The following CFAP44 variants were observed in gnomAD, a reference collection of about 807,000 sequenced individuals.
CFAP44 encodes cilia- and flagella-associated protein 44.
CFAP44 carries 134 observed loss-of-function variants against 216.2 expected under a neutral mutation model. The observed-to-expected ratio is 0.62, with a 90% CI of 0.54 to 0.72. CFAP44 has a LOEUF of 0.72. Ranked by LOEUF, CFAP44 falls within the 30% of genes least tolerant of loss-of-function variation. CFAP44 has a pLI of 0.00. For synonymous variants in CFAP44, 700 were observed against 727.6 expected (o/e 0.96, Z 0.61); for missense variants, 2,035 against 2,182.1 (o/e 0.93, Z 1.34).
rs527834618 is a variant in CFAP44, at chr3:113,418,838, G to A, written c.570+1179C>T. Among the ~76,000 whole-genome samples the A allele has an allele frequency of 4.2e-4, 64 of 152,038 alleles. No individual in the cohort carries two copies. In the East Asian group the frequency reaches 4.6e-3, roughly 11 times the overall value. On this transcript the variant is annotated intron_variant, in intron 5 of 34. Coordinates refer to ENST00000393845, the MANE Select transcript of CFAP44 (RefSeq NM_001164496.2). ...CTCTGCCTCAGGCTCCTGAGTAGCC[G>A]GGATTACAGGCGCGTGCCACCATGC...
At chr3:113,398,008 G>A (rs1934036494) in intron 13 of CFAP44, among the ~76,000 whole-genome samples, 1 of 152,166 alleles carries the variant, frequency 6.6e-6, no homozygotes, top group Admixed American at 6.5e-5. Flanking sequence ...TGTCTTGGAA[G>A]AGCCTGGGCA....
At chr3:113,361,685 A>C (rs1264720219) in intron 21 of CFAP44, among the ~76,000 whole-genome samples, 2 of 151,864 alleles carry the variant, frequency 1.3e-5, no homozygotes, top group Non-Finnish European at 2.9e-5. Context: ...TTTTTAGTGG[A>C]GACAGGGTTT....
intron 25 of CFAP44, among the ~76,000 whole-genome samples, chr3:113,333,182 A>G (rs1332010447): frequency 2.0e-5 from 3 of 152,150 alleles, no homozygotes; most frequent in Non-Finnish European, 4.4e-5. Context: ...TGGTTCTTCC[A>G]TATTAGCTGA....
intron 15 of CFAP44, 63 bp from the exon 16 acceptor site, chr3:113,381,123 G>T: frequency 8.5e-7 from 1 of 1,177,350 alleles, no homozygotes; most frequent in Non-Finnish European, 1.1e-6. Context: ...AGTTTAAAGA[G>T]ATTATAAATA....
At chr3:113,389,057 A>G (rs1933726742) in intron 15 of CFAP44, among the ~76,000 whole-genome samples, 1 of 152,354 alleles carries the variant, frequency 6.6e-6, no homozygotes, top group South Asian at 2.1e-4. Context: ...TTTTTATCCA[A>G]TGGCTGCAGA....
chr3:113,297,745 A>C (rs913357881), intron 32 of CFAP44, among the ~76,000 whole-genome samples: 5 of 152,160 alleles, frequency 3.3e-5, no homozygotes, highest in Non-Finnish European at 7.3e-5. Context: ...ACACTAGAAC[A>C]CCTCTCCAAG....
chr3:113,331,038 T>C (rs1183129842), intron 25 of CFAP44, among the ~76,000 whole-genome samples: 2 of 152,170 alleles, frequency 1.3e-5, no homozygotes, highest in African/African-American at 4.8e-5. Context: ...AGGCAATTAA[T>C]TCATTTTCCT....
intron 15 of CFAP44, among the ~76,000 whole-genome samples, chr3:113,384,808 TG>T (rs1422662758): frequency 2.0e-5 from 3 of 152,142 alleles, no homozygotes; most frequent in African/African-American, 7.2e-5. Flanking sequence ...AAGTATCCAG[TG>T]GGTAGCTGTG....
At position 113,290,114 on chromosome 3, in the gene CFAP44, G is replaced by A. The variant is rs929735762; in HGVS notation, c.*1443C>T. On this transcript the variant is annotated 3_prime_UTR_variant, in exon 35 of 35. Transcript: ENST00000393845. ...TTTACCGCAATAAATAAGACACTCAGGGCTATGACTAGCATATTTTTAAAA... is the reference window on the plus strand; with the variant it reads ...TTTACCGCAATAAATAAGACACTCAAGGCTATGACTAGCATATTTTTAAAA... The A allele has an allele frequency of 6.6e-6, 1 of 152,050 alleles. No homozygotes were observed. Among genetic ancestry groups the A allele is most frequent in the African/African-American group, 2.4e-5 (1 of 41,374 alleles). The allele number at this position is 152,050 out of a possible 1,614,324, so 9.4% of individuals were successfully genotyped here. A position where few individuals can be genotyped will look rare whatever the true frequency, so the allele number is the denominator to read the frequency against.
At chr3:113,430,854 A>C (rs1935088083) in intron 2 of CFAP44, among the ~76,000 whole-genome samples, 1 of 152,204 alleles carries the variant, frequency 6.6e-6, no homozygotes, top group Admixed American at 6.5e-5. Context: ...TTATTAAATA[A>C]GGTCTGCAAT....
At chr3:113,368,787 C>G (rs920865066) in intron 18 of CFAP44, among the ~76,000 whole-genome samples, 1 of 152,158 alleles carries the variant, frequency 6.6e-6, no homozygotes. Context: ...TTAAAAGATA[C>G]AAACTGGCAA....
intron 24 of CFAP44, among the ~76,000 whole-genome samples, chr3:113,338,660 C>T (rs1439999766): frequency 6.6e-6 from 1 of 152,112 alleles, no homozygotes; most frequent in Non-Finnish European, 1.5e-5. Context: ...AACGTTCAAA[C>T]ATTTGGGTGA....
chr3:113,318,967 CA>C (rs200623858), intron 28 of CFAP44, among the ~76,000 whole-genome samples: 10 of 141,870 alleles, frequency 7.0e-5, no homozygotes, highest in African/African-American at 1.8e-4. Flanking sequence ...CAAAAAAAAA[CA>C]AAAAAAAAAC....
At chr3:113,341,305 G>A (rs1312761602) in intron 24 of CFAP44, among the ~76,000 whole-genome samples, 1 of 151,840 alleles carries the variant, frequency 6.6e-6, no homozygotes, top group Non-Finnish European at 1.5e-5. Flanking sequence ...CATTTAAAGG[G>A]ACCACTCCTT....
chr3:113,416,111 C>T (rs1559942317), intron 6 of CFAP44, among the ~76,000 whole-genome samples: 1 of 152,008 alleles, frequency 6.6e-6, no homozygotes, highest in Admixed American at 6.6e-5. Flanking sequence ...TTATGTAATG[C>T]CCTTGTCTTT....
At chr3:113,406,286 A>G (rs756213094) in intron 8 of CFAP44, among the ~76,000 whole-genome samples, 2 of 152,226 alleles carry the variant, frequency 1.3e-5, no homozygotes, top group Non-Finnish European at 2.9e-5. Context: ...CTTTGACCCA[A>G]TAAGTCTTCT....
intron 12 of CFAP44, among the ~76,000 whole-genome samples, chr3:113,400,246 T>C (rs772304926): frequency 4.6e-5 from 7 of 152,076 alleles, no homozygotes; most frequent in Admixed American, 3.9e-4. Context: ...AGATTTGCCA[T>C]AAGTTAAGAA....
In CFAP44 at chr3:113,291,726, C is replaced by T. The variant is rs1034501608; in HGVS notation, c.5396G>A (p.Arg1799Gln). ...CTCTCTTGCCACAACATCTGCTTCC[C>T]GAGGGCCCTGGAAGGCATTGCCCTG... ...NQQGNAFQGP[R>Q]EADVVAREEV... The change falls in exon 35 of 35, where the codon CGG becomes CAG. Residue 1799 changes from arginine to glutamine, a missense_variant. Physicochemically the swap from Arg to Gln is conservative, Grantham distance 43. Transcript: ENST00000393845. The T allele has an allele frequency of 1.8e-5, 27 of 1,536,110 alleles. No individual in the cohort carries two copies. The highest frequency in any genetic ancestry group is 2.7e-5 in the African/African-American group (2 of 72,978).
chr3:113,408,635 C>T (rs774902922), intron 7 of CFAP44, among the ~76,000 whole-genome samples: 7 of 152,092 alleles, frequency 4.6e-5, no homozygotes, highest in Non-Finnish European at 7.4e-5. Flanking sequence ...GAGGCTGAGG[C>T]GGGTGGATCA....
Sources: gnomAD v4.1 joint callset for allele counts (sites outside exome capture counted in the v4.1 genomes callset) on GRCh38, gnomAD v4.1.1 for gene constraint, MANE v1.5 for transcripts, NCBI Gene and HGNC (gene_info 2026-07-23, HGNC 2026-07-21) for gene names.